Variants in ATRNL1 observed in about 807,000 individuals in gnomAD.
ATRNL1 encodes the protein attractin like 1.
A neutral mutation model predicts 182.7 loss-of-function variants in ATRNL1; 95 were observed. That is an observed-to-expected ratio of 0.52 (90% CI 0.44 to 0.62). The LOEUF is 0.62. Among genes scored for constraint, ATRNL1 ranks in the 20% least tolerant of loss-of-function variants. The probability of loss-of-function intolerance (pLI) is 0.00; values close to 1 mark genes in which losing one functional copy is unlikely to be tolerated. For synonymous variants in ATRNL1, 576 were observed against 568.3 expected (o/e 1.01, Z -0.19); for missense variants, 1,471 against 1,679.5 (o/e 0.88, Z 2.17).
intron 17 of ATRNL1, among the ~76,000 whole-genome samples, chr10:115,302,784 G>A (rs1853539511): frequency 6.8e-6 from 1 of 146,210 alleles, no homozygotes; most frequent in South Asian, 2.1e-4. Flanking sequence ...AGCTGCCAAG[G>A]GAATTGCATA....
intron 26 of ATRNL1, among the ~76,000 whole-genome samples, chr10:115,658,090 CTTTTTTT>C (rs71010038): frequency 7.0e-4 from 63 of 90,314 alleles, no homozygotes; most frequent in Non-Finnish European, 1.0e-3. Flanking sequence ...AATTTTTTTC[CTTTTTTT>C]TTTTTTTTTT....
intron 27 of ATRNL1, among the ~76,000 whole-genome samples, chr10:115,789,053 T>C (rs1186052680): frequency 6.6e-6 from 1 of 152,250 alleles, no homozygotes; most frequent in Non-Finnish European, 1.5e-5. Flanking sequence ...TTGTGTTTAG[T>C]TGCTTTTCAA....
chr10:115,941,397 G>A (rs530268161), intron 28 of ATRNL1, among the ~76,000 whole-genome samples: 1 of 152,322 alleles, frequency 6.6e-6, no homozygotes, highest in East Asian at 1.9e-4. Context: ...CAGCGATACA[G>A]TGGCAGTTTT....
chr10:115,374,794 G>A (rs1332927366), intron 19 of ATRNL1, among the ~76,000 whole-genome samples: 8 of 151,692 alleles, frequency 5.3e-5, no homozygotes, highest in Non-Finnish European at 1.2e-4. Flanking sequence ...TTTTCCTCCT[G>A]TTACTGATTT....
At chr10:115,391,128 T>C (rs1554954215) in intron 19 of ATRNL1, among the ~76,000 whole-genome samples, 1 of 152,208 alleles carries the variant, frequency 6.6e-6, no homozygotes, top group African/African-American at 2.4e-5. Context: ...CTTTTTAATT[T>C]CCTATTTGGA....
rs782456237 is a variant in ATRNL1, at chr10:115,944,759, C to T, written c.4120C>T (p.Arg1374Cys). 10 of 1,613,400 alleles carry T rather than the reference C, an allele frequency of 6.2e-6. No individual in the cohort carries two copies. The highest frequency in any genetic ancestry group is 1.7e-5 in the Admixed American group (1 of 59,992). Residue 1374 changes from arginine to cysteine, a missense_variant, in exon 29 of 29, where the codon CGT becomes TGT. This residue lies in a region of ATRNL1 where 437 missense variants were observed against 506.0 expected (regional missense o/e 0.86). Transcript: ENST00000355044. The part of the protein sequence containing the change: ...GVRNRKHLST[R>C]QGTCV ...CCGGAATCGAAAACACCTTTCAACA[C>T]GTCAAGGAACTTGTGTCTGAGAAAT... is the stretch of plus-strand genomic sequence containing the variant.
chr10:115,709,475 A>G (rs570930211), intron 26 of ATRNL1, among the ~76,000 whole-genome samples: 6 of 151,982 alleles, frequency 3.9e-5, no homozygotes, highest in Non-Finnish European at 8.8e-5. Context: ...TTATTCCAAT[A>G]TATCTGAAGA....
At chr10:115,532,966 A>G (rs1851688949) in intron 25 of ATRNL1, among the ~76,000 whole-genome samples, 1 of 150,840 alleles carries the variant, frequency 6.6e-6, no homozygotes, top group African/African-American at 2.4e-5. Context: ...GATGAAGCCC[A>G]CTTGATCATG....
intron 1 of ATRNL1, among the ~76,000 whole-genome samples, chr10:115,119,481 T>C (rs905648216): frequency 2.0e-5 from 3 of 152,002 alleles, no homozygotes; most frequent in Non-Finnish European, 2.9e-5. Context: ...CTTGATAAAA[T>C]AATTGGGCTG....
At chr10:115,680,017 A>C (rs933200604) in intron 26 of ATRNL1, among the ~76,000 whole-genome samples, 2 of 152,052 alleles carry the variant, frequency 1.3e-5, no homozygotes, top group Admixed American at 6.6e-5. Context: ...ATTTAACCAA[A>C]TGTTTTTGTA....
intron 1 of ATRNL1, among the ~76,000 whole-genome samples, chr10:115,114,678 A>T (rs1026782658): frequency 6.6e-6 from 1 of 152,220 alleles, no homozygotes; most frequent in African/African-American, 2.4e-5. Flanking sequence ...TGCAGATCAA[A>T]ACCACAATGG....
intron 5 of ATRNL1, among the ~76,000 whole-genome samples, chr10:115,135,433 CAA>C (rs1321082732): frequency 6.6e-6 from 1 of 152,124 alleles, no homozygotes; most frequent in Non-Finnish European, 1.5e-5. Context: ...CTCCCATTCA[CAA>C]CTGCTTCAAA....
At chr10:115,448,858 C>G (rs1759868261) in intron 21 of ATRNL1, among the ~76,000 whole-genome samples, 1 of 139,752 alleles carries the variant, frequency 7.2e-6, no homozygotes, top group South Asian at 2.4e-4. Context: ...TGCCAACCAA[C>G]AACAACAACA....
chr10:115,391,182 G>C (rs1171489501), intron 19 of ATRNL1, among the ~76,000 whole-genome samples: 1 of 152,134 alleles, frequency 6.6e-6, no homozygotes, highest in East Asian at 1.9e-4. Context: ...GCTGTGGCTA[G>C]AACTTTTAGT....
chr10:115,495,980 C>T (rs539852991), intron 24 of ATRNL1, among the ~76,000 whole-genome samples: 20 of 152,156 alleles, frequency 1.3e-4, no homozygotes, highest in African/African-American at 4.8e-4. Flanking sequence ...TCTCTAAGAA[C>T]TTGTTTTATG....
chr10:115,875,348 A>ATTGAAGCTTG (rs1418605100), intron 28 of ATRNL1, among the ~76,000 whole-genome samples: 1 of 152,226 alleles, frequency 6.6e-6, no homozygotes, highest in African/African-American at 2.4e-5. Flanking sequence ...TATTTAGACA[A>ATTGAAGCTTG]TTGAAGCTTG....
chr10:115,776,801 C>G (rs1949138083), intron 27 of ATRNL1, among the ~76,000 whole-genome samples: 1 of 152,052 alleles, frequency 6.6e-6, no homozygotes. Context: ...AAATTAGATT[C>G]AGTTGTATTG....
At chr10:115,321,044 T>C (rs548614658) in intron 18 of ATRNL1, among the ~76,000 whole-genome samples, 1 of 152,264 alleles carries the variant, frequency 6.6e-6, no homozygotes, top group East Asian at 1.9e-4. Context: ...TTTCAGTTTG[T>C]CTGTTTTCTT....
intron 26 of ATRNL1, among the ~76,000 whole-genome samples, chr10:115,591,232 C>T (rs1855883731): frequency 6.6e-6 from 1 of 152,198 alleles, no homozygotes; most frequent in African/African-American, 2.4e-5. Flanking sequence ...ACATAGTAAC[C>T]TGTGTCACTT....
Sources: gnomAD v4.1 joint callset for allele counts (sites outside exome capture counted in the v4.1 genomes callset) on GRCh38, gnomAD v4.1.1 for gene constraint, gnomAD v4.1.1 regional missense constraint, MANE v1.5 for transcripts, NCBI Gene and HGNC (gene_info 2026-07-23, HGNC 2026-07-21) for gene names.